NEGR1: variants seen among roughly 807,000 people sequenced by gnomAD.
The protein encoded by NEGR1 is neuronal growth regulator 1, also known as IgLON family member 4.
NEGR1 carries 10 observed loss-of-function variants against 40.9 expected under a neutral mutation model. The observed-to-expected ratio is 0.24, with a 90% CI of 0.15 to 0.42. The LOEUF (loss-of-function observed/expected upper bound fraction) is 0.42, where lower values mean the gene tolerates loss of function less well. Ranked by LOEUF, NEGR1 falls within the 10% of genes least tolerant of loss-of-function variation. The pLI, the probability that NEGR1 is intolerant of heterozygous loss-of-function variation, is 1.00. For synonymous variants in NEGR1, 185 were observed against 166.8 expected, an observed-to-expected ratio of 1.11 and a Z score of -0.84; for missense variants, 352 against 438.9, an observed-to-expected ratio of 0.80 and a Z score of 1.77.
At chr1:71,987,417 C>T (rs1646404590) in intron 1 of NEGR1, among the ~76,000 whole-genome samples, 1 of 152,126 alleles carries the variant, frequency 6.6e-6, no homozygotes, top group African/African-American at 2.4e-5. Context: ...TGGTACTGAT[C>T]TGTGGAAGGG....
At chr1:71,807,037 C>T (rs186817325) in intron 2 of NEGR1, among the ~76,000 whole-genome samples, 64 of 151,852 alleles carry the variant, frequency 4.2e-4, no homozygotes, top group African/African-American at 1.2e-3. Context: ...GGACTACAGG[C>T]GCCTGCCACA....
At chr1:71,869,970 C>T (rs1425575513) in intron 2 of NEGR1, among the ~76,000 whole-genome samples, 1 of 151,662 alleles carries the variant, frequency 6.6e-6, no homozygotes, top group Non-Finnish European at 1.5e-5. Flanking sequence ...ACCTCCACCT[C>T]CCGGGTTCAT....
chr1:71,453,539 T>G (rs1646648519), intron 6 of NEGR1, among the ~76,000 whole-genome samples: 2 of 152,138 alleles, frequency 1.3e-5, no homozygotes, highest in South Asian at 2.1e-4. Context: ...ATTAGTCCAA[T>G]TTTTTATGCC....
At chr1:71,764,799 T>C (rs972636327) in intron 3 of NEGR1, among the ~76,000 whole-genome samples, 2 of 152,136 alleles carry the variant, frequency 1.3e-5, no homozygotes, top group African/African-American at 4.8e-5. Flanking sequence ...TTGAAGCAAA[T>C]TGGAAAGGTG....
chr1:71,938,410 GTTT>G lies in NEGR1; in HGVS notation c.177-3102_177-3100del, dbSNP rs571760372. On this transcript the variant is annotated intron_variant, in intron 1 of 6. Coordinates refer to ENST00000357731, the MANE Select transcript of NEGR1 (RefSeq NM_173808.3). Reference sequence around the variant, plus strand: ...CACACAGCTGTATGCATGTGTAGGTGTTTTTTTTTTTTTTTTTTTTGGTCATTA... The same window carrying G: ...CACACAGCTGTATGCATGTGTAGGTGTTTTTTTTTTTTTTTTTGGTCATTA... Among the ~76,000 whole-genome samples, 966 of 109,888 alleles carry G rather than the reference GTTT, an allele frequency of 8.8e-3. 8 individuals carry two copies. The highest frequency in any genetic ancestry group is 0.021 in the African/African-American group (616 of 29,862). 72.1% of individuals were successfully genotyped at this position (109,888 alleles called of 152,430 possible). A position where few individuals can be genotyped will look rare whatever the true frequency, so the allele number is the denominator to read the frequency against.
At position 71,592,785 on chromosome 1, in the gene NEGR1, T is replaced by C. The variant is rs377313944; in HGVS notation, c.940+32A>G. On this transcript the variant is annotated intron_variant, in intron 6 of 6. Transcript: ENST00000357731. ...AGATGGATAGGGGCCCAGAGGCCCC[T>C]GGAAGCATTTTGGTACCATTGCATT... The C allele has an allele frequency of 5.7e-6, 9 of 1,585,038 alleles. No individual in the cohort carries two copies. In the Middle Eastern group the frequency reaches 1.0e-3, roughly 179 times the overall value.
At chr1:71,508,196 A>G (rs1011499376) in intron 6 of NEGR1, among the ~76,000 whole-genome samples, 1 of 152,132 alleles carries the variant, frequency 6.6e-6, no homozygotes, top group African/African-American at 2.4e-5. Flanking sequence ...TAAAACTTGG[A>G]AAGAAGACAA....
chr1:72,182,755 T>G (rs1219296492), intron 1 of NEGR1, among the ~76,000 whole-genome samples: 1 of 144,982 alleles, frequency 6.9e-6, no homozygotes, highest in East Asian at 2.1e-4. Flanking sequence ...GACTGATATA[T>G]ATGAGTATCT....
chr1:71,753,079 G>T (rs1212073465), intron 3 of NEGR1, among the ~76,000 whole-genome samples: 1 of 151,962 alleles, frequency 6.6e-6, no homozygotes, highest in Non-Finnish European at 1.5e-5. Context: ...TGTAGTCCTT[G>T]GGAAAATGAT....
At chr1:71,533,190 G>C (rs901417940) in intron 6 of NEGR1, among the ~76,000 whole-genome samples, 9 of 151,530 alleles carry the variant, frequency 5.9e-5, no homozygotes, top group Admixed American at 4.0e-4. Context: ...GCTGTGCTAA[G>C]GTTAAAGACA....
chr1:71,691,957 A>G (rs987685520), intron 4 of NEGR1, among the ~76,000 whole-genome samples: 3 of 151,498 alleles, frequency 2.0e-5, no homozygotes, highest in African/African-American at 7.3e-5. Flanking sequence ...AGAAGCTTTC[A>G]GTGAAACCCC....
At chr1:71,855,772 T>C (rs574246752) in intron 2 of NEGR1, among the ~76,000 whole-genome samples, 15 of 152,048 alleles carry the variant, frequency 9.9e-5, no homozygotes, top group Admixed American at 2.0e-4. Context: ...ATTGTTTTAA[T>C]AGATGCTTTG....
At chr1:71,564,747 T>G (rs1267061772) in intron 6 of NEGR1, among the ~76,000 whole-genome samples, 1 of 152,098 alleles carries the variant, frequency 6.6e-6, no homozygotes, top group Non-Finnish European at 1.5e-5. Context: ...ATGGATATGA[T>G]AGACTATTTA....
chr1:72,272,812 C>G (rs1438049211), intron 1 of NEGR1, among the ~76,000 whole-genome samples: 2 of 151,958 alleles, frequency 1.3e-5, no homozygotes, highest in African/African-American at 2.4e-5. Context: ...CAACTTTGTT[C>G]TGGACTGAAA....
intron 6 of NEGR1, among the ~76,000 whole-genome samples, chr1:71,497,943 G>T (rs1483480936): frequency 1.3e-5 from 2 of 151,924 alleles, no homozygotes; most frequent in Non-Finnish European, 2.9e-5. Context: ...ACATCATTTA[G>T]CTTTTTCCAT....
At chr1:72,104,234 CT>C (rs1421933302) in intron 1 of NEGR1, among the ~76,000 whole-genome samples, 1 of 152,046 alleles carries the variant, frequency 6.6e-6, no homozygotes, top group Non-Finnish European at 1.5e-5. Flanking sequence ...GCAAAAGTAA[CT>C]CTGTAGATGT....
At chr1:71,567,696 T>G (rs371979520) in intron 6 of NEGR1, among the ~76,000 whole-genome samples, 1 of 152,182 alleles carries the variant, frequency 6.6e-6, no homozygotes, top group Non-Finnish European at 1.5e-5. Context: ...ATCAGTGCAA[T>G]ATACACTAAA....
intron 1 of NEGR1, among the ~76,000 whole-genome samples, chr1:72,023,354 C>G (rs1386872091): frequency 2.6e-5 from 4 of 151,966 alleles, no homozygotes; most frequent in Non-Finnish European, 5.9e-5. Context: ...TTTAATTGCT[C>G]AAGTATCTGT....
intron 2 of NEGR1, among the ~76,000 whole-genome samples, chr1:71,910,296 G>A (rs1434688043): frequency 1.3e-5 from 2 of 152,130 alleles, no homozygotes; most frequent in East Asian, 3.9e-4. Context: ...TAAAAATATG[G>A]ACAATTAAAA....
Sources: allele counts gnomAD v4.1 joint callset (sites outside exome capture counted in the v4.1 genomes callset), GRCh38; gene constraint gnomAD v4.1.1; transcripts MANE v1.5; gene names NCBI Gene and HGNC (gene_info 2026-07-23, HGNC 2026-07-21).